Variants in CCDC63 observed in about 807,000 individuals in gnomAD.
CCDC63 encodes the protein coiled-coil domain-containing protein 63.
Under a neutral mutation model 63.6 loss-of-function variants are expected in CCDC63, and 54 were observed. The ratio of observed to expected loss-of-function variants is 0.85; its 90% CI spans 0.68 to 1.07. The LOEUF (loss-of-function observed/expected upper bound fraction) is 1.07. Among genes scored for constraint, CCDC63 ranks in the 50% least tolerant of loss-of-function variants. The probability of loss-of-function intolerance (pLI) is 0.00; values close to 1 mark genes in which losing one functional copy is unlikely to be tolerated. For synonymous variants in CCDC63, 253 were observed against 266.1 expected, an observed-to-expected ratio of 0.95 and a Z score of 0.48; for missense variants, 637 against 689.6, an observed-to-expected ratio of 0.92 and a Z score of 0.86.
chr12:110,861,071 GCCACA>G (rs2070847287), intron 4 of CCDC63, among the ~76,000 whole-genome samples: 1 of 152,004 alleles, frequency 6.6e-6, no homozygotes, highest in Admixed American at 6.6e-5. Flanking sequence ...CGGGGGAGGC[GCCACA>G]CACTTTTAAA....
chr12:110,901,964 G>A (rs537145917), intron 10 of CCDC63, among the ~76,000 whole-genome samples: 2 of 152,050 alleles, frequency 1.3e-5, no homozygotes, highest in African/African-American at 4.8e-5. Flanking sequence ...CTAAGTAGCT[G>A]GGATTATAGG....
intron 5 of CCDC63, among the ~76,000 whole-genome samples, chr12:110,877,988 T>C (rs1465904311): frequency 1.3e-5 from 2 of 152,102 alleles, no homozygotes; most frequent in Non-Finnish European, 2.9e-5. Flanking sequence ...ATTACAGGCA[T>C]GAGCCACTGC....
chr12:110,904,855 G>A, intron 11 of CCDC63, 64 bp downstream of exon 11: 1 of 1,359,186 alleles, frequency 7.4e-7, no homozygotes, highest in Non-Finnish European at 1.0e-6. Context: ...GGTCTGGGGA[G>A]ACCGTGTCCA....
chr12:110,852,556 C>G (rs180777627), intron 1 of CCDC63, among the ~76,000 whole-genome samples: 1 of 152,122 alleles, frequency 6.6e-6, no homozygotes, highest in Non-Finnish European at 1.5e-5. Flanking sequence ...CCACCATGCC[C>G]GGCCCCCTGA....
In CCDC63 at chr12:110,889,278, C is replaced by T. The variant is rs2071327328; in HGVS notation, c.1075-3798C>T. ...AGGATGACAAAAAGTTCAGCCCTCA[C>T]AGAACTGCTGTTTTGGCAGGGAGAA... is the stretch of plus-strand genomic sequence containing the variant. On this transcript the variant is annotated intron_variant, in intron 8 of 11. Coordinates refer to ENST00000308208, the MANE Select transcript of CCDC63 (RefSeq NM_152591.3). This position sits in a 1 kb window ranked among gnomAD's most constrained non-coding sequence, Gnocchi z 4.1. 6.6e-6 allele frequency among the ~76,000 whole-genome samples: 1 copy of T among 152,140 alleles called. No homozygotes were observed. The highest frequency in any genetic ancestry group is 6.6e-5 in the Admixed American group (1 of 15,264).
intron 8 of CCDC63, among the ~76,000 whole-genome samples, 180 bp from the exon 9 acceptor site, chr12:110,892,896 G>A (rs2071374564): frequency 6.6e-6 from 1 of 151,724 alleles, no homozygotes; most frequent in Admixed American, 6.6e-5. Context: ...TTTTACTTAA[G>A]AAACATCAGA....
In CCDC63 at chr12:110,898,359, A is replaced by G. The variant is rs573623678; in HGVS notation, c.1150-574A>G. On this transcript the variant is annotated intron_variant, in intron 9 of 11. Coordinates refer to ENST00000308208, the MANE Select transcript of CCDC63 (RefSeq NM_152591.3). ...TATTGTAGGCTGGGCGTGGTGGCTC[A>G]TGCCTGTAATCTCAGCACTTTGAGA... Among the ~76,000 whole-genome samples the G allele has an allele frequency of 4.6e-5, 7 of 151,646 alleles. No individual in the cohort carries two copies. In the South Asian group the frequency reaches 1.5e-3, roughly 32 times the overall value.
intron 4 of CCDC63, among the ~76,000 whole-genome samples, chr12:110,866,001 A>C (rs1178718134): frequency 6.6e-6 from 1 of 152,162 alleles, no homozygotes; most frequent in Admixed American, 6.5e-5. Flanking sequence ...TATGTGAGAC[A>C]GAGTCTCCCT....
chr12:110,868,759 G>GGAGGA (rs2071020760), intron 4 of CCDC63, among the ~76,000 whole-genome samples: 2 of 122,884 alleles, frequency 1.6e-5, no homozygotes, highest in Non-Finnish European at 3.5e-5. Flanking sequence ...GAGGGGAAGG[G>GGAGGA]GGAGGGGGAG....
chr12:110,885,231 A>G (rs2071264620), intron 8 of CCDC63, among the ~76,000 whole-genome samples: 1 of 151,802 alleles, frequency 6.6e-6, no homozygotes. Context: ...TGCAAAGCTG[A>G]AAGTATTTCT....
At chr12:110,857,741 A>G (rs1230166744) in intron 3 of CCDC63, among the ~76,000 whole-genome samples, 1 of 152,038 alleles carries the variant, frequency 6.6e-6, no homozygotes, top group Admixed American at 6.6e-5. Flanking sequence ...ACATTTCCTC[A>G]TTAGCACCAC....
intron 8 of CCDC63, among the ~76,000 whole-genome samples, chr12:110,886,067 G>A (rs536637745): frequency 6.6e-6 from 1 of 152,144 alleles, no homozygotes; most frequent in Non-Finnish European, 1.5e-5. Context: ...ATCAATTAGG[G>A]TTGTCACAGG....
intron 10 of CCDC63, among the ~76,000 whole-genome samples, chr12:110,900,877 C>A (rs533247618): frequency 6.6e-6 from 1 of 152,256 alleles, no homozygotes; most frequent in East Asian, 1.9e-4. Context: ...GGATTACAGG[C>A]GTGAGCCACT....
intron 10 of CCDC63, among the ~76,000 whole-genome samples, chr12:110,902,273 G>GT (rs2071498241): frequency 6.6e-6 from 1 of 152,206 alleles, no homozygotes. Context: ...TCACCCTGCT[G>GT]TGTTGACTTT....
At position 110,853,369 on chromosome 12, in the gene CCDC63, C is replaced by T. The variant is rs143523884; in HGVS notation, c.10-36C>T. ...CTGTGGGCTTCTCTAGCCACCTGGC[C>T]CACTACGGCCTCCCACTCCTCTCCA... On this transcript the variant is annotated intron_variant, in intron 2 of 11. Transcript: ENST00000308208. 8.2e-4 allele frequency: 1,310 copies of T among 1,587,978 alleles called. 11 individuals are homozygous for T. The African/African-American group carries it at 0.016, about 19-fold the overall frequency.
In CCDC63 at chr12:110,907,276, C is replaced by A; in HGVS notation, c.1547-55C>A. On this transcript the variant is annotated intron_variant, in intron 11 of 11. Transcript: ENST00000308208. The surrounding 1 kb of genome is among the most constrained non-coding windows in gnomAD (Gnocchi z 4.4). The stretch of plus-strand genomic sequence containing the variant: ...TGGAGGGACGCCAAACCAGGCTTAG[C>A]CCCAGCCCTGGGGTTGATTTCCCAG... The A allele has an allele frequency of 6.3e-7, 1 of 1,578,984 alleles. No homozygotes were observed.
intron 3 of CCDC63, 139 bp downstream of exon 3, chr12:110,853,713 A>G (rs2070735850): frequency 1.2e-6 from 1 of 852,052 alleles, no homozygotes; most frequent in East Asian, 2.6e-5. Flanking sequence ...ACGGTCTTTT[A>G]TCTGCAGAGC....
chr12:110,895,568 T>A (rs2071407753), intron 9 of CCDC63, among the ~76,000 whole-genome samples: 1 of 152,208 alleles, frequency 6.6e-6, no homozygotes, highest in Non-Finnish European at 1.5e-5. Flanking sequence ...GGGTTTTGCA[T>A]AGGAATTAAG....
At chr12:110,863,262 A>G (rs1289953939) in intron 4 of CCDC63, among the ~76,000 whole-genome samples, 1 of 131,276 alleles carries the variant, frequency 7.6e-6, no homozygotes, top group Non-Finnish European at 1.6e-5. Context: ...AGTGACACAC[A>G]CGTGTGTGTG....
Sources: gnomAD v4.1 joint callset for allele counts (sites outside exome capture counted in the v4.1 genomes callset) on GRCh38, gnomAD v4.1.1 for gene constraint, Gnocchi (gnomAD v3.1) non-coding constraint, MANE v1.5 for transcripts, NCBI Gene and HGNC (gene_info 2026-07-23, HGNC 2026-07-21) for gene names.